The following COBL variants were observed in gnomAD, a reference collection of about 807,000 sequenced individuals.
COBL encodes the protein protein cordon-bleu.
COBL carries 51 observed loss-of-function variants against 98.8 expected under a neutral mutation model. That is an observed-to-expected ratio of 0.52 (90% CI 0.41 to 0.65). The LOEUF (loss-of-function observed/expected upper bound fraction) is 0.65, where lower values mean the gene tolerates loss of function less well. Among genes scored for constraint, COBL ranks in the 30% least tolerant of loss-of-function variants. COBL has a pLI of 0.00. For missense variants in COBL, 1,617 were observed against 1,617.5 expected (o/e 1.00, Z 0.01); for synonymous variants, 634 against 651.7 (o/e 0.97, Z 0.41).
chr7:51,214,640 CA>C (rs1263512099), intron 2 of COBL, among the ~76,000 whole-genome samples: 3 of 152,186 alleles, frequency 2.0e-5, no homozygotes, highest in African/African-American at 7.2e-5. Context: ...TCTCACTCAG[CA>C]GATCAATCAA....
chr7:51,269,366 T>C (rs1798540827), intron 1 of COBL, among the ~76,000 whole-genome samples: 1 of 152,080 alleles, frequency 6.6e-6, no homozygotes, highest in Non-Finnish European at 1.5e-5. Flanking sequence ...ACATCATGCA[T>C]CAGTGACCCA....
intron 6 of COBL, among the ~76,000 whole-genome samples, chr7:51,112,434 C>T (rs1048209536): frequency 1.3e-5 from 2 of 152,052 alleles, no homozygotes; most frequent in African/African-American, 2.4e-5. Flanking sequence ...CACAATGTTA[C>T]CTCCAGAAGC....
intron 10 of COBL, 69 bp from the exon 11 acceptor site, chr7:51,026,734 G>A (rs1382656814): frequency 6.4e-7 from 1 of 1,564,330 alleles, no homozygotes; most frequent in East Asian, 2.3e-5. Context: ...TGCAGCTCAT[G>A]AGAAAACCCA....
At chr7:51,077,658 T>C (rs1336879725) in intron 7 of COBL, among the ~76,000 whole-genome samples, 1 of 152,238 alleles carries the variant, frequency 6.6e-6, no homozygotes, top group Admixed American at 6.5e-5. Context: ...ATTCTTCAGA[T>C]TCATGTGATG....
Position 51,026,590 on chromosome 7 carries a change from G to C in COBL, c.3460C>G (p.Leu1154Val), listed in dbSNP as rs749635126. Reference sequence around the variant, plus strand: ...CCGCTGTGCCCGCGGATAGCTGCCAGCAGTGCAGATCGTTCGCCCTCTGCC... The same window carrying C: ...CCGCTGTGCCCGCGGATAGCTGCCACCAGTGCAGATCGTTCGCCCTCTGCC... ...TEAEGERSAL[L>V]AAIRGHSGTC... Residue 1154 changes from leucine (L) to valine (V), a missense_variant, in exon 11 of 13, where the codon CTG (leucine) becomes GTG (valine). Physicochemically the swap from Leu to Val is conservative, Grantham distance 32. Transcript: ENST00000265136. 6.2e-7 allele frequency: 1 copy of C among 1,614,182 alleles called. No homozygotes were observed. Among genetic ancestry groups the C allele is most frequent in the Non-Finnish European group, 8.5e-7 (1 of 1,180,050 alleles).
chr7:51,288,199 C>T (rs763571544), intron 1 of COBL, among the ~76,000 whole-genome samples: 72 of 151,916 alleles, frequency 4.7e-4, no homozygotes, highest in Non-Finnish European at 9.1e-4. Context: ...TTTGGGAGGC[C>T]GAGGCGGGTG....
chr7:51,056,578 G>C (rs1790767859), intron 7 of COBL, among the ~76,000 whole-genome samples: 1 of 152,114 alleles, frequency 6.6e-6, no homozygotes, highest in Non-Finnish European at 1.5e-5. Flanking sequence ...CCTGAAGTTT[G>C]GGTCAGATTA....
At chr7:51,256,692 C>A (rs978180901) in intron 1 of COBL, among the ~76,000 whole-genome samples, 1 of 152,186 alleles carries the variant, frequency 6.6e-6, no homozygotes, top group African/African-American at 2.4e-5. Context: ...ACTACCACCA[C>A]CAGTGAGGAA....
In COBL at chr7:51,036,336, C is replaced by CA. The variant is rs59610375; in HGVS notation, c.1407-5428dup. On this transcript the variant is annotated intron_variant, in intron 8 of 12. Transcript: ENST00000265136. ...TGGGTGACAGAGTGAGACTCCGTCT[C>CA]AAAAAAAAAAAAAAAAAAAAAAAAA... is the stretch of plus-strand genomic sequence containing the variant. 4.7e-3 allele frequency among the ~76,000 whole-genome samples: 441 copies of CA among 94,168 alleles called. 53 individuals carry two copies. Among genetic ancestry groups the CA allele is most frequent in the African/African-American group, 9.7e-3 (223 of 22,932 alleles). 61.8% of individuals were successfully genotyped at this position (94,168 alleles called of 152,430 possible).
At chr7:51,286,385 T>C (rs1800365539) in intron 1 of COBL, among the ~76,000 whole-genome samples, 2 of 139,772 alleles carry the variant, frequency 1.4e-5, no homozygotes, top group African/African-American at 5.3e-5. Context: ...CCACATTATA[T>C]AAAGAAACTT....
At position 51,043,588 on chromosome 7, in the gene COBL, C is replaced by G. The variant is rs1789411958; in HGVS notation, c.1201G>C (p.Glu401Gln). The G allele has an allele frequency of 6.2e-7, 1 of 1,614,088 alleles. No homozygotes were observed. The highest frequency in any genetic ancestry group is 1.3e-5 in the African/African-American group (1 of 74,930). ...TVSVGSCFAS[E>Q]DTTEDSGVMS... Reference sequence around the variant, plus strand: ...ACTCCTGAGTCCTCGGTCGTGTCCTCCGACGCAAAACAGCTGCCAACTGAC... The same window carrying G: ...ACTCCTGAGTCCTCGGTCGTGTCCTGCGACGCAAAACAGCTGCCAACTGAC... The change falls in exon 8 of 13, where the codon GAG (glutamate) becomes CAG (glutamine). Residue 401 changes from glutamate (E) to glutamine (Q), a missense_variant. Glu to Gln is a conservative substitution (Grantham distance 29, BLOSUM62 2). Coordinates refer to ENST00000265136, the MANE Select transcript of COBL (RefSeq NM_015198.5).
chr7:51,287,086 C>A (rs1717913552), intron 1 of COBL, among the ~76,000 whole-genome samples: 1 of 152,062 alleles, frequency 6.6e-6, no homozygotes, highest in Admixed American at 6.6e-5. Flanking sequence ...AAGATGGGAA[C>A]AACAGACACT....
Position 51,028,488 on chromosome 7 carries a change from A to G in COBL, c.2608T>C (p.Ser870Pro), listed in dbSNP as rs766487026. Residue 870 changes from serine to proline, a missense_variant, in exon 10 of 13, where the codon TCT becomes CCT. Around this residue, in one of 3 missense-constraint regions of COBL, gnomAD observed 1,304 missense variants for 1,282.0 expected, o/e 1.02. Transcript: ENST00000265136. ...QRRTSSQYVA[S>P]AIAKRIGAPK... ...GCTCCTATGCGCTTGGCAATGGCAG[A>G]GGCCACATACTGGCTGGACGTTCTT... 1 of 1,614,276 alleles carries G rather than the reference A, an allele frequency of 6.2e-7. No individual in the cohort carries two copies. The highest frequency in any genetic ancestry group is 8.5e-7 in the Non-Finnish European group (1 of 1,180,056).
At position 51,254,793 on chromosome 7, in the gene COBL, GA is replaced by G. The variant is rs1188561114; in HGVS notation, c.42-34850del. Among the ~76,000 whole-genome samples the G allele has an allele frequency of 7.9e-5, 12 of 152,280 alleles. No homozygotes were observed. The South Asian group carries it at 1.7e-3, about 21-fold the overall frequency. ...CCTCATGAAGGGGACTGCATAAGGT[GA>G]AAAACATCAACCCTTGGGCAGCTGA... On this transcript the variant is annotated intron_variant, in intron 1 of 12. Transcript: ENST00000265136.
chr7:51,082,922 T>C (rs1276562582), intron 7 of COBL: 2 of 797,338 alleles, frequency 2.5e-6, no homozygotes, highest in Non-Finnish European at 4.1e-6. Flanking sequence ...CATTCAGCAT[T>C]GGGAAACAAG....
At chr7:51,273,122 A>G (rs1798928025) in intron 1 of COBL, among the ~76,000 whole-genome samples, 1 of 152,154 alleles carries the variant, frequency 6.6e-6, no homozygotes, top group Non-Finnish European at 1.5e-5. Flanking sequence ...TGAGGTCAGG[A>G]GTTCAGGATC....
chr7:51,050,770 A>G (rs757538771), intron 7 of COBL, among the ~76,000 whole-genome samples: 3 of 152,224 alleles, frequency 2.0e-5, no homozygotes, highest in Non-Finnish European at 2.9e-5. Context: ...GCCCATAATA[A>G]AGATTAGTCT....
intron 7 of COBL, 41 bp from the exon 8 acceptor site, chr7:51,043,733 C>A: frequency 6.4e-7 from 1 of 1,561,596 alleles, no homozygotes; most frequent in Non-Finnish European, 8.7e-7. Context: ...CCAAACCACT[C>A]TGGCGTCCAT....
chr7:51,233,020 C>T (rs975086120), intron 1 of COBL, among the ~76,000 whole-genome samples: 3 of 152,040 alleles, frequency 2.0e-5, no homozygotes, highest in Non-Finnish European at 2.9e-5. Flanking sequence ...ACATAATGGT[C>T]ATGACAAATA....
Sources: gnomAD v4.1 joint callset for allele counts (sites outside exome capture counted in the v4.1 genomes callset) on GRCh38, gnomAD v4.1.1 for gene constraint, gnomAD v4.1.1 regional missense constraint, MANE v1.5 for transcripts, NCBI Gene and HGNC (gene_info 2026-07-23, HGNC 2026-07-21) for gene names.